IFT74: variants seen among roughly 807,000 people sequenced by gnomAD.
IFT74 encodes intraflagellar transport 74, also known as intraflagellar transport protein 74 homolog.
A neutral mutation model predicts 96.7 loss-of-function variants in IFT74; 92 were observed. That is an observed-to-expected ratio of 0.95 (90% confidence interval 0.80 to 1.13). The LOEUF (loss-of-function observed/expected upper bound fraction) is 1.13, where lower values mean the gene tolerates loss of function less well. Ranked by LOEUF, IFT74 falls within the 50% of genes most tolerant of loss-of-function variation. The pLI is 0.00. For synonymous variants in IFT74, 223 were observed against 213.2 expected (o/e 1.05, Z -0.40); for missense variants, 811 against 698.2 (o/e 1.16, Z -1.82).
At chr9:26,948,529 C>T (rs770051307) in intron 1 of IFT74, among the ~76,000 whole-genome samples, 69 of 127,626 alleles carry the variant, frequency 5.4e-4, no homozygotes, top group Non-Finnish European at 8.5e-4. Flanking sequence ...AGTGCAGTGG[C>T]GCGATCTCGG....
intron 16 of IFT74, among the ~76,000 whole-genome samples, chr9:27,048,982 T>G (rs1296082641): frequency 2.0e-5 from 3 of 152,132 alleles, no homozygotes; most frequent in Non-Finnish European, 4.4e-5. Flanking sequence ...GGATCTCTCG[T>G]GAATGGCTCA....
chr9:26,978,285 T>C (rs1178781117), intron 3 of IFT74, 22 bp downstream of exon 3: 1 of 1,610,178 alleles, frequency 6.2e-7, no homozygotes, highest in Non-Finnish European at 8.5e-7. Context: ...AAGATAAGTA[T>C]GACACTTGGG....
rs187379061 is a variant in IFT74, at chr9:26,975,694, G to A, written c.121-2434G>A. 8.5e-5 allele frequency among the ~76,000 whole-genome samples: 13 copies of A among 152,164 alleles called. No individual in the cohort carries two copies. The East Asian group carries it at 1.4e-3, about 16-fold the overall frequency. Reference sequence around the variant, plus strand: ...CAACCTCTCCTACTAGAGATTTCTCGCCCTCCGTCCTTTCAGAAGCTCACT... The same window carrying A: ...CAACCTCTCCTACTAGAGATTTCTCACCCTCCGTCCTTTCAGAAGCTCACT... On this transcript the variant is annotated intron_variant, in intron 2 of 19. Transcript: ENST00000380062.
chr9:27,024,594 T>C (rs1255506180), intron 12 of IFT74, among the ~76,000 whole-genome samples: 2 of 152,140 alleles, frequency 1.3e-5, no homozygotes, highest in African/African-American at 2.4e-5. Context: ...TCTGGTAATA[T>C]GAGAAGACAA....
At chr9:26,984,150 A>G (rs1702576675) in intron 4 of IFT74, 107 bp from the exon 5 acceptor site, 1 of 872,742 alleles carries the variant, frequency 1.1e-6, no homozygotes, top group Non-Finnish European at 1.7e-6. Flanking sequence ...TGAATTTCAC[A>G]AAACTATTTA....
intron 1 of IFT74, chr9:26,947,475 A>C (rs1403072686): frequency 1.2e-5 from 2 of 162,302 alleles, no homozygotes; most frequent in Non-Finnish European, 2.7e-5. Flanking sequence ...TAAATCGGGA[A>C]GCGGGCCGGG....
At chr9:27,015,667 C>T (rs1008934229) in intron 10 of IFT74, among the ~76,000 whole-genome samples, 103 of 152,182 alleles carry the variant, frequency 6.8e-4, no homozygotes, top group African/African-American at 2.4e-3. Context: ...GTCTTCCCTT[C>T]TAAGAATTTT....
At chr9:26,974,201 T>C (rs1201525502) in intron 2 of IFT74, among the ~76,000 whole-genome samples, 1 of 152,146 alleles carries the variant, frequency 6.6e-6, no homozygotes, top group East Asian at 1.9e-4. Context: ...GAGCCACCTG[T>C]TGAAAGGTGG....
At chr9:26,996,640 A>G (rs963758187) in intron 8 of IFT74, 2 of 489,172 alleles carry the variant, frequency 4.1e-6, no homozygotes, top group East Asian at 3.4e-5. Context: ...TTGTCTAGCA[A>G]CATAATGAAA....
chr9:27,014,887 G>C (rs904248578), intron 10 of IFT74, among the ~76,000 whole-genome samples: 1 of 152,224 alleles, frequency 6.6e-6, no homozygotes. Context: ...GATTACAGGC[G>C]TGAGCTATCA....
chr9:26,970,369 A>T (rs1429248104), intron 2 of IFT74, among the ~76,000 whole-genome samples: 3 of 152,104 alleles, frequency 2.0e-5, no homozygotes, highest in Non-Finnish European at 4.4e-5. Context: ...ATACATACAC[A>T]GTTTGTATGA....
chr9:26,999,770 CTTTTTTTTTTTT>C, intron 8 of IFT74: 4 of 339,604 alleles, frequency 1.2e-5, no homozygotes, highest in East Asian at 7.9e-5. Context: ...TCTGTTTATT[CTTTTTTTTTTTT>C]TTTTTTTTTG....
chr9:27,031,831 C>CTGAA (rs1359511734), intron 13 of IFT74, among the ~76,000 whole-genome samples: 1 of 150,948 alleles, frequency 6.6e-6, no homozygotes, highest in Non-Finnish European at 1.5e-5. Flanking sequence ...AAATAAACTC[C>CTGAA]TGAGTAGCTA....
At chr9:26,999,867 G>T (rs1025524153) in intron 8 of IFT74, among the ~76,000 whole-genome samples, 1 of 149,412 alleles carries the variant, frequency 6.7e-6, no homozygotes, top group South Asian at 2.1e-4. Flanking sequence ...GATCTCCCAG[G>T]CTTAAGCAGT....
intron 1 of IFT74, chr9:26,947,367 G>A: frequency 3.3e-6 from 1 of 301,056 alleles, no homozygotes. Flanking sequence ...TCCCTGCTGA[G>A]CAAGAGAGAA....
At chr9:26,972,010 C>T (rs1826902226) in intron 2 of IFT74, among the ~76,000 whole-genome samples, 1 of 152,178 alleles carries the variant, frequency 6.6e-6, no homozygotes, top group Admixed American at 6.5e-5. Context: ...CTTTTCTCTT[C>T]AATTACCCAG....
chr9:27,029,537 C>T (rs1398520019), intron 13 of IFT74, among the ~76,000 whole-genome samples: 2 of 151,830 alleles, frequency 1.3e-5, no homozygotes, highest in African/African-American at 4.8e-5. Flanking sequence ...CATCGGAGGT[C>T]GGGAGTTCGA....
At chr9:26,959,254 A>G (rs1826250183) in intron 1 of IFT74, among the ~76,000 whole-genome samples, 1 of 151,836 alleles carries the variant, frequency 6.6e-6, no homozygotes, top group Admixed American at 6.6e-5. Context: ...GACTACAGAC[A>G]CTCGCCACCA....
At chr9:26,976,474 G>A in intron 2 of IFT74, 1 of 231,036 alleles carries the variant, frequency 4.3e-6, no homozygotes, top group Non-Finnish European at 8.7e-6. Flanking sequence ...GCTGGGGTCG[G>A]ACTGCACAAT....
Sources: allele counts gnomAD v4.1 joint callset (sites outside exome capture counted in the v4.1 genomes callset), GRCh38; gene constraint gnomAD v4.1.1; transcripts MANE v1.5; gene names NCBI Gene and HGNC (gene_info 2026-07-23, HGNC 2026-07-21).